The following ATP1A2 variants were observed in gnomAD, a reference collection of about 807,000 sequenced individuals.
ATP1A2 encodes sodium/potassium-transporting ATPase subunit alpha-2.
A neutral mutation model predicts 113.1 loss-of-function variants in ATP1A2; 56 were observed. That is an observed-to-expected ratio of 0.49 (90% confidence interval 0.40 to 0.62). The LOEUF is 0.62. Among genes scored for constraint, ATP1A2 ranks in the 20% least tolerant of loss-of-function variants. ATP1A2 has a pLI of 0.00. For synonymous variants in ATP1A2, 490 were observed against 526.8 expected (o/e 0.93, Z 0.96); for missense variants, 712 against 1,357.8 (o/e 0.52, Z 7.47).
Position 160,136,554 on chromosome 1 carries a change from G to A in ATP1A2, c.2564-16G>A, listed in dbSNP as rs998239343. 1 of 1,614,070 alleles carries A rather than the reference G, an allele frequency of 6.2e-7. No homozygotes were observed. Among genetic ancestry groups the A allele is most frequent in the Non-Finnish European group, 8.5e-7 (1 of 1,180,032 alleles). The stretch of plus-strand genomic sequence containing the variant: ...CTGCTCTGACCCTGCCCCTGCCTTT[G>A]GCCCTCTACCCACAGGGATGATCCA... On this transcript the variant is annotated splice_polypyrimidine_tract_variant and intron_variant, in intron 18 of 22. Coordinates refer to ENST00000361216, the MANE Select transcript of ATP1A2 (RefSeq NM_000702.4).
Position 160,142,746 on chromosome 1 carries a change from A to G in ATP1A2, c.*1424A>G, listed in dbSNP as rs1440926491. The G allele has an allele frequency of 6.6e-6, 1 of 152,006 alleles. No homozygotes were observed. 9.4% of individuals were successfully genotyped at this position (152,006 alleles called of 1,614,324 possible). On this transcript the variant is annotated 3_prime_UTR_variant, in exon 23 of 23. Transcript: ENST00000361216. ...CTTGAACCTGTGAGGAAGAGGTTGC[A>G]GTGAGCTGAGATCGTGCCATTACAC...
chr1:160,117,666 C>T (rs1651232352), intron 1 of ATP1A2, among the ~76,000 whole-genome samples: 2 of 152,144 alleles, frequency 1.3e-5, no homozygotes, highest in African/African-American at 4.8e-5. Flanking sequence ...ATGATTTTTC[C>T]TCCAATCCCT....
chr1:160,128,623 C>A (rs376250714), intron 8 of ATP1A2, 29 bp from the exon 9 acceptor site: 14 of 1,614,044 alleles, frequency 8.7e-6, no homozygotes, highest in African/African-American at 1.3e-5. Flanking sequence ...TCAGCCTTAA[C>A]CTTTTTTATT....
chr1:160,124,232 C>A (rs758474238), intron 5 of ATP1A2, 64 bp from the exon 6 acceptor site: 15 of 1,558,128 alleles, frequency 9.6e-6, no homozygotes, highest in Non-Finnish European at 1.2e-5. Flanking sequence ...GTGTGGGAGA[C>A]CAGCAGGAGA....
chr1:160,121,426 G>T (rs762813223), intron 3 of ATP1A2, among the ~76,000 whole-genome samples, 175 bp downstream of exon 3: 10 of 152,200 alleles, frequency 6.6e-5, no homozygotes, highest in Non-Finnish European at 1.3e-4. Flanking sequence ...GCCAGAACTA[G>T]AATTTGGATC....
chr1:160,128,059 C>T (rs927601734), intron 8 of ATP1A2, among the ~76,000 whole-genome samples: 5 of 152,150 alleles, frequency 3.3e-5, no homozygotes, highest in African/African-American at 1.2e-4. Context: ...CCTTTTCTCA[C>T]GATCTGCCAG....
intron 4 of ATP1A2, 138 bp downstream of exon 4, chr1:160,123,554 G>A (rs563069306): frequency 9.2e-5 from 102 of 1,105,148 alleles, no homozygotes; most frequent in African/African-American, 3.6e-4. Flanking sequence ...GGCTGGAAAG[G>A]GGAGAGGCTT....
chr1:160,130,364 T>TG (rs531230112), intron 12 of ATP1A2, 58 bp from the exon 13 acceptor site: 1 of 1,613,892 alleles, frequency 6.2e-7, no homozygotes, highest in South Asian at 1.1e-5. Context: ...TGGGGGACTG[T>TG]GGGGGCGTCC....
intron 2 of ATP1A2, 61 bp downstream of exon 2, chr1:160,121,071 C>T (rs1651379421): frequency 6.2e-7 from 1 of 1,604,402 alleles, no homozygotes; most frequent in Non-Finnish European, 8.5e-7. Context: ...TCCCTGCAGC[C>T]CATTGCACTC....
At position 160,136,269 on chromosome 1, in the gene ATP1A2, A is replaced by G; in HGVS notation, c.2462A>G (p.Tyr821Cys). The G allele has an allele frequency of 1.2e-6, 2 of 1,614,086 alleles. No homozygotes were observed. The highest frequency in any genetic ancestry group is 1.7e-6 in the Non-Finnish European group (2 of 1,180,006). Residue 821 changes from tyrosine to cysteine, a missense_variant, in exon 18 of 23, where the codon TAT becomes TGT. Tyr to Cys is a radical substitution (Grantham distance 194). This residue lies in a region of ATP1A2 where 188 missense variants were observed against 438.9 expected (regional missense o/e 0.43). Transcript: ENST00000361216. Reference protein sequence around the residue: ...TDMVPAISLAYEAAESDIMKR... With the variant: ...TDMVPAISLACEAAESDIMKR... ...CAGGTCCCTGCCATCTCCTTGGCCTATGAGGCAGCTGAGAGTGATATCATG... is the reference window on the plus strand; with the variant it reads ...CAGGTCCCTGCCATCTCCTTGGCCTGTGAGGCAGCTGAGAGTGATATCATG...
At chr1:160,116,860 C>T (rs74652878) in intron 1 of ATP1A2, among the ~76,000 whole-genome samples, 2,784 of 152,212 alleles carry the variant, frequency 0.018, 52 homozygotes, top group Non-Finnish European at 0.028. Flanking sequence ...CCTAGTTGAG[C>T]AGCTGGGAAA....
Position 160,139,972 on chromosome 1 carries a change from C to T in ATP1A2, c.3022C>T (p.Arg1008Trp). 2.5e-6 allele frequency: 4 copies of T among 1,613,868 alleles called. No homozygotes were observed. The highest frequency in any genetic ancestry group is 3.4e-6 in the Non-Finnish European group (4 of 1,180,010). Residue 1008 changes from arginine to tryptophan, a missense_variant, in exon 22 of 23, where the codon CGG becomes TGG. Physicochemically the swap from Arg to Trp is moderately radical, Grantham distance 101. Around this residue, in one of 6 missense-constraint regions of ATP1A2, gnomAD observed 188 missense variants for 438.9 expected, o/e 0.43. Transcript: ENST00000361216. ...TGAGGTCCGAAAGCTCATCCTGCGG[C>T]GGTATCCTGGTGGTAAGCCCCTCCA... ...YDEVRKLILR[R>W]YPGGWVEKET... is the part of the protein sequence containing the mutation.
chr1:160,120,536 C>G (rs1473079898), intron 1 of ATP1A2, among the ~76,000 whole-genome samples: 1 of 152,214 alleles, frequency 6.6e-6, no homozygotes, highest in Non-Finnish European at 1.5e-5. Context: ...TGTCCACTCC[C>G]TTCCAGAATT....
rs1321094615 is a variant in ATP1A2 at position 160,135,411 on chromosome 1, A to G, written c.2116-23A>G. Reference sequence around the variant, plus strand: ...AGGCTTGGGAAGGGGTTTCGTCCTCAAGTGTGGCCGTCTTCCCTCCAGGGA... The same window carrying G: ...AGGCTTGGGAAGGGGTTTCGTCCTCGAGTGTGGCCGTCTTCCCTCCAGGGA... On this transcript the variant is annotated intron_variant, in intron 15 of 22. Coordinates refer to ENST00000361216, the MANE Select transcript of ATP1A2 (RefSeq NM_000702.4). This position sits in a 1 kb window ranked among gnomAD's most constrained non-coding sequence, Gnocchi z 6.3. 1 of 1,614,138 alleles carries G rather than the reference A, an allele frequency of 6.2e-7. No individual in the cohort carries two copies. The highest frequency in any genetic ancestry group is 8.5e-7 in the Non-Finnish European group (1 of 1,180,010).
chr1:160,141,259 C>T lies in ATP1A2; in HGVS notation c.3035-35C>T, dbSNP rs375415455. The T allele has an allele frequency of 8.1e-6, 13 of 1,613,642 alleles. No individual in the cohort carries two copies. The African/African-American group carries it at 1.7e-4, about 22-fold the overall frequency. On this transcript the variant is annotated intron_variant, in intron 22 of 22. Transcript: ENST00000361216. The stretch of plus-strand genomic sequence containing the variant: ...TTGATCTCTTGCCTCCTTTTAAGCT[C>T]ATGCTGCAATCTCCACTCCCAATCT...
At chr1:160,136,224 G>T in intron 17 of ATP1A2, 23 bp from the exon 18 acceptor site, 1 of 1,614,028 alleles carries the variant, frequency 6.2e-7, no homozygotes. Flanking sequence ...TGCCCTCCCT[G>T]CCCCATTTCC....
intron 17 of ATP1A2, 96 bp downstream of exon 17, chr1:160,136,089 G>A: frequency 6.2e-7 from 1 of 1,606,240 alleles, no homozygotes; most frequent in Non-Finnish European, 8.5e-7. Flanking sequence ...CCCAGCTGTG[G>A]GGGTTACAGG....
At chr1:160,132,308 C>G (rs935300590) in intron 13 of ATP1A2, among the ~76,000 whole-genome samples, 1 of 152,032 alleles carries the variant, frequency 6.6e-6, no homozygotes, top group African/African-American at 2.4e-5. Context: ...GCTTAAATGC[C>G]AGACTTGGGC....
chr1:160,142,400 A>T lies in ATP1A2; in HGVS notation c.*1078A>T, dbSNP rs1395987691. 1 of 152,216 alleles carries T rather than the reference A, an allele frequency of 6.6e-6. No homozygotes were observed. The highest frequency in any genetic ancestry group is 1.5e-5 in the Non-Finnish European group (1 of 68,060). 9.4% of individuals were successfully genotyped at this position (152,216 alleles called of 1,614,324 possible). A position where few individuals can be genotyped will look rare whatever the true frequency, so the allele number is the denominator to read the frequency against. ...AGTTCGCTGGCCATTGGCTAGAATC[A>T]GGGTGGAGAAGTTCCCTGAACCTTC... is the stretch of plus-strand genomic sequence containing the variant. On this transcript the variant is annotated 3_prime_UTR_variant, in exon 23 of 23. Transcript: ENST00000361216.
Sources: allele counts gnomAD v4.1 joint callset (sites outside exome capture counted in the v4.1 genomes callset), GRCh38; gene constraint gnomAD v4.1.1; regional missense constraint gnomAD v4.1.1; non-coding constraint Gnocchi (gnomAD v3.1); transcripts MANE v1.5; gene names NCBI Gene and HGNC (gene_info 2026-07-23, HGNC 2026-07-21).